The following SLC22A3 variants were observed in gnomAD, a reference collection of about 807,000 sequenced individuals.
The protein encoded by SLC22A3 is solute carrier family 22 member 3.
SLC22A3 carries 51 observed loss-of-function variants against 59.1 expected under a neutral mutation model. The ratio of observed to expected loss-of-function variants is 0.86; its 90% CI spans 0.69 to 1.09. SLC22A3 has a LOEUF of 1.09. Among genes scored for constraint, SLC22A3 ranks in the 50% least tolerant of loss-of-function variants. SLC22A3 has a pLI of 0.00. For synonymous variants in SLC22A3, 325 were observed against 292.0 expected (o/e 1.11, Z -1.15); for missense variants, 711 against 726.3 (o/e 0.98, Z 0.24).
intron 5 of SLC22A3, among the ~76,000 whole-genome samples, chr6:160,411,665 C>A (rs1787254870): frequency 6.6e-6 from 1 of 152,110 alleles, no homozygotes; most frequent in Non-Finnish European, 1.5e-5. Context: ...TCATTTGAGC[C>A]CAGGACTTTG....
At chr6:160,419,983 T>C (rs542106119) in intron 5 of SLC22A3, among the ~76,000 whole-genome samples, 2 of 152,254 alleles carry the variant, frequency 1.3e-5, no homozygotes, top group African/African-American at 4.8e-5. Context: ...CTATATCGCA[T>C]AAAATGAGAA....
intron 1 of SLC22A3, among the ~76,000 whole-genome samples, chr6:160,389,505 C>T (rs984186936): frequency 6.6e-6 from 1 of 152,204 alleles, no homozygotes; most frequent in Admixed American, 6.5e-5. Flanking sequence ...CCTGCCACTG[C>T]CACTGGAGCA....
rs531842545 is a variant in SLC22A3, at chr6:160,376,801, A to G, written c.430-21178A>G. 8.5e-5 allele frequency among the ~76,000 whole-genome samples: 13 copies of G among 152,334 alleles called. No individual in the cohort carries two copies. In the South Asian group the frequency reaches 2.7e-3, roughly 32 times the overall value. Reference sequence around the variant, plus strand: ...CTGTATATATATTTTTTGTTTTAATAACTCCAAGTAACCAAATGAAAACAA... The same window carrying G: ...CTGTATATATATTTTTTGTTTTAATGACTCCAAGTAACCAAATGAAAACAA... On this transcript the variant is annotated intron_variant, in intron 1 of 10. Transcript: ENST00000275300.
At chr6:160,447,501 G>T (rs932955409) in intron 9 of SLC22A3, among the ~76,000 whole-genome samples, 1 of 152,196 alleles carries the variant, frequency 6.6e-6, no homozygotes, top group African/African-American at 2.4e-5. Flanking sequence ...TGGCTGCCAG[G>T]TATACAGGGG....
rs767906572 is a variant in SLC22A3 at position 160,447,813 on chromosome 6, T to C, written c.1605T>C (p.Leu535=). Residue 535 remains leucine (L), a synonymous_variant, in exon 10 of 11, where the codon CTT becomes CTC. Transcript: ENST00000275300. ...LPETVDDVEK[L]GSPHSCKCGR... ...AGACAGTGGATGATGTAGAAAAACT[T>C]GGCAGGTACTGTACAAAATTCAATG... The C allele has an allele frequency of 1.9e-6, 3 of 1,613,066 alleles. No individual in the cohort carries two copies. The East Asian group carries it at 6.7e-5, about 36-fold the overall frequency.
At chr6:160,428,188 A>G (rs557510977) in intron 5 of SLC22A3, among the ~76,000 whole-genome samples, 13 of 149,982 alleles carry the variant, frequency 8.7e-5, no homozygotes, top group African/African-American at 1.2e-4. Flanking sequence ...CAATCCGTTC[A>G]CCTTTGCCAA....
chr6:160,422,427 A>T (rs1317924147), intron 5 of SLC22A3, among the ~76,000 whole-genome samples: 4 of 152,210 alleles, frequency 2.6e-5, no homozygotes, highest in African/African-American at 9.6e-5. Context: ...TCCATCTCAT[A>T]AATGGGTGGA....
At chr6:160,440,045 C>T (rs1274651785) in intron 7 of SLC22A3, among the ~76,000 whole-genome samples, 2 of 152,214 alleles carry the variant, frequency 1.3e-5, no homozygotes, top group Non-Finnish European at 2.9e-5. Context: ...ATCAGCTTTC[C>T]CTCCACTCGA....
intron 1 of SLC22A3, among the ~76,000 whole-genome samples, chr6:160,350,229 A>G (rs945460447): frequency 1.3e-5 from 2 of 152,188 alleles, no homozygotes; most frequent in Non-Finnish European, 2.9e-5. Context: ...CCCTGGCAGG[A>G]CAGCCAGGCA....
intron 1 of SLC22A3, among the ~76,000 whole-genome samples, chr6:160,369,282 T>C (rs538454153): frequency 6.6e-6 from 1 of 152,228 alleles, no homozygotes; most frequent in Non-Finnish European, 1.5e-5. Context: ...CCATAGTTAT[T>C]CTAAAATGGA....
rs751397842 is a variant in SLC22A3 at position 160,410,760 on chromosome 6, A to G, written c.889A>G (p.Thr297Ala). 1 of 1,613,230 alleles carries G rather than the reference A, an allele frequency of 6.2e-7. No homozygotes were observed. Among genetic ancestry groups the G allele is most frequent in the Non-Finnish European group, 8.5e-7 (1 of 1,179,430 alleles). ...VVPESPRWLI[T>A]RKKGDKALQI... is the part of the protein sequence containing the mutation. ...CCCTGAGTCTCCCCGTTGGCTGATT[A>G]CTCGGAAGAAAGGAGATAAAGCATT... Residue 297 changes from threonine (T) to alanine (A), a missense_variant, in exon 5 of 11, where the codon ACT becomes GCT. Coordinates refer to ENST00000275300, the MANE Select transcript of SLC22A3 (RefSeq NM_021977.4).
chr6:160,406,044 T>G lies in SLC22A3; in HGVS notation c.534-997T>G, dbSNP rs1333126273. 2.0e-5 allele frequency among the ~76,000 whole-genome samples: 3 copies of G among 152,260 alleles called. No individual in the cohort carries two copies. The East Asian group carries it at 5.8e-4, about 29-fold the overall frequency. On this transcript the variant is annotated intron_variant, in intron 2 of 10. Transcript: ENST00000275300. ...GTCAAAACACATAGAATTTGCAACA[T>G]CAAGAGTGAACCCAAATGTAAACTG...
chr6:160,377,773 G>A (rs538055418), intron 1 of SLC22A3, among the ~76,000 whole-genome samples: 66 of 152,320 alleles, frequency 4.3e-4, no homozygotes, highest in African/African-American at 1.5e-3. Context: ...GTGGATGCAA[G>A]ACACAAGAGG....
At chr6:160,450,911 A>G in intron 10 of SLC22A3, 85 bp from the exon 11 acceptor site, 1 of 1,260,510 alleles carries the variant, frequency 7.9e-7, no homozygotes, top group Non-Finnish European at 1.1e-6. Context: ...GATCAAAACC[A>G]GCTATACTAT....
intron 1 of SLC22A3, among the ~76,000 whole-genome samples, chr6:160,392,131 G>A (rs555087602): frequency 3.9e-5 from 6 of 152,122 alleles, no homozygotes; most frequent in Non-Finnish European, 7.3e-5. Flanking sequence ...CCCCATCAAA[G>A]GTGGGATGGG....
chr6:160,348,448 G>A lies in SLC22A3; in HGVS notation c.29G>A (p.Arg10Gln), dbSNP rs752181200. 12 of 1,528,854 alleles carry A rather than the reference G, an allele frequency of 7.8e-6. No individual in the cohort carries two copies. The African/African-American group carries it at 1.0e-4, about 13-fold the overall frequency. 94.7% of individuals were successfully genotyped at this position (1,528,854 alleles called of 1,614,324 possible). ...CCCTCCTTCGACGAGGCGCTGCAGC[G>A]GGTGGGCGAGTTCGGGCGCTTCCAG... MPSFDEALQRVGEFGRFQRR... is the reference protein window; with the variant it reads MPSFDEALQQVGEFGRFQRR... The change falls in exon 1 of 11, where the codon CGG becomes CAG. Residue 10 changes from arginine (R) to glutamine (Q), a missense_variant. Arg to Gln is a conservative substitution (Grantham distance 43). Coordinates refer to ENST00000275300, the MANE Select transcript of SLC22A3 (RefSeq NM_021977.4).
At chr6:160,407,311 G>C in intron 3 of SLC22A3, 116 bp downstream of exon 3, 1 of 1,058,766 alleles carries the variant, frequency 9.4e-7, no homozygotes, top group Non-Finnish European at 1.4e-6. Flanking sequence ...AGGTTTCACT[G>C]CAGCTACAGT....
intron 5 of SLC22A3, among the ~76,000 whole-genome samples, chr6:160,418,233 A>G (rs138695639): frequency 8.5e-5 from 13 of 152,224 alleles, no homozygotes; most frequent in African/African-American, 3.1e-4. Flanking sequence ...GTGGGATAGG[A>G]TGTCTTGCTG....
chr6:160,370,060 C>A (rs188566002), intron 1 of SLC22A3, among the ~76,000 whole-genome samples: 62 of 152,296 alleles, frequency 4.1e-4, no homozygotes, highest in African/African-American at 1.4e-3. Context: ...TTCCTCCTAG[C>A]ATGGTGGCTG....
Sources: gnomAD v4.1 joint callset for allele counts (sites outside exome capture counted in the v4.1 genomes callset) on GRCh38, gnomAD v4.1.1 for gene constraint, MANE v1.5 for transcripts, NCBI Gene and HGNC (gene_info 2026-07-23, HGNC 2026-07-21) for gene names.